The following ANK3 variants were observed in gnomAD, a reference collection of about 807,000 sequenced individuals.
ANK3 encodes the protein ankyrin 3.
ANK3 carries 57 observed loss-of-function variants against 370.9 expected under a neutral mutation model. The ratio of observed to expected loss-of-function variants is 0.15; its 90% CI spans 0.12 to 0.19. The LOEUF (loss-of-function observed/expected upper bound fraction) is 0.19. Ranked by LOEUF, ANK3 falls within the 10% of genes least tolerant of loss-of-function variation. The pLI, the probability that ANK3 is intolerant of heterozygous loss-of-function variation, is 1.00. For missense variants in ANK3, 4,439 were observed against 5,302.1 expected (o/e 0.84, Z 5.06); for synonymous variants, 1,929 against 1,946.3 (o/e 0.99, Z 0.23).
intron 2 of ANK3, among the ~76,000 whole-genome samples, chr10:60,495,489 C>T (rs1473567709): frequency 6.6e-6 from 1 of 152,120 alleles, no homozygotes; most frequent in Non-Finnish European, 1.5e-5. Flanking sequence ...CTTGAGTTCT[C>T]ATTGAAATAA....
chr10:60,241,731 T>C (rs544227650), intron 7 of ANK3, among the ~76,000 whole-genome samples: 84 of 152,332 alleles, frequency 5.5e-4, no homozygotes, highest in African/African-American at 1.9e-3. Context: ...AGTATACATA[T>C]GATTAACCAA....
At chr10:60,104,349 C>G (rs2091821731) in intron 28 of ANK3, among the ~76,000 whole-genome samples, 1 of 82,142 alleles carries the variant, frequency 1.2e-5, no homozygotes, top group African/African-American at 4.9e-5. Context: ...CAGAGTGAGA[C>G]TCCATCTCAA....
intron 2 of ANK3, among the ~76,000 whole-genome samples, chr10:60,457,463 A>G (rs971076515): frequency 5.9e-5 from 9 of 152,154 alleles, no homozygotes; most frequent in African/African-American, 2.2e-4. Flanking sequence ...TTTATAGAAT[A>G]GATTGCTAAT....
At chr10:60,031,428 T>C (rs1181648745) in intron 43 of ANK3, among the ~76,000 whole-genome samples, 1 of 152,242 alleles carries the variant, frequency 6.6e-6, no homozygotes, top group Non-Finnish European at 1.5e-5. Flanking sequence ...TGTGTGCTAT[T>C]GTGGTATGAA....
At chr10:60,181,190 G>T in intron 18 of ANK3, 139 bp downstream of exon 18, 2 of 847,192 alleles carry the variant, frequency 2.4e-6, no homozygotes, top group Non-Finnish European at 1.9e-6. Flanking sequence ...AGTGTCCCTT[G>T]CATAAATAAA....
At position 60,389,789 on chromosome 10, in the gene ANK3, A is replaced by C; in HGVS notation, c.-251T>G. ...TTTACAGGAGAGTGCAGCCATCGTAATGCATTTACCGTAGTGAAGAAGACA... is the reference window on the plus strand; with the variant it reads ...TTTACAGGAGAGTGCAGCCATCGTACTGCATTTACCGTAGTGAAGAAGACA... On this transcript the variant is annotated 5_prime_UTR_variant, in exon 1 of 44. Coordinates refer to ENST00000280772, the MANE Select transcript of ANK3 (RefSeq NM_020987.5). 7.7e-7 allele frequency: 1 copy of C among 1,305,568 alleles called. No homozygotes were observed. Among genetic ancestry groups the C allele is most frequent in the Non-Finnish European group, 9.8e-7 (1 of 1,025,496 alleles). The allele number at this position is 1,305,568 out of a possible 1,614,324, so 80.9% of individuals were successfully genotyped here. A position where few individuals can be genotyped will look rare whatever the true frequency, so the allele number is the denominator to read the frequency against.
upstream of ANK3, among the ~76,000 whole-genome samples, chr10:60,390,329 C>T (rs2062987032): frequency 6.6e-6 from 1 of 152,078 alleles, no homozygotes; most frequent in Non-Finnish European, 1.5e-5. Context: ...AAGACGTGAG[C>T]ATATTGGTGT....
At chr10:60,029,980 G>A (rs990107848) in intron 43 of ANK3, among the ~76,000 whole-genome samples, 154 bp from the exon 44 acceptor site, 1 of 145,474 alleles carries the variant, frequency 6.9e-6, no homozygotes, top group Non-Finnish European at 1.5e-5. Context: ...ATTCCCTATG[G>A]GGTGGTTTAA....
intron 2 of ANK3, among the ~76,000 whole-genome samples, chr10:60,481,394 T>G (rs2075211486): frequency 6.6e-6 from 1 of 152,174 alleles, no homozygotes; most frequent in African/African-American, 2.4e-5. Context: ...CCTTACATTC[T>G]GCTGCCTGGC....
At chr10:60,251,939 A>T (rs1164467136) in intron 7 of ANK3, among the ~76,000 whole-genome samples, 1 of 152,220 alleles carries the variant, frequency 6.6e-6, no homozygotes, top group Non-Finnish European at 1.5e-5. Context: ...TCACACCTGC[A>T]TCTGGGCTTC....
chr10:60,688,292 C>T (rs1459255904), intron 1 of ANK3, among the ~76,000 whole-genome samples: 1 of 152,162 alleles, frequency 6.6e-6, no homozygotes, highest in African/African-American at 2.4e-5. Context: ...TCTTGAACTC[C>T]TGGCCTCAAG....
At chr10:60,482,531 A>G (rs1399663903) in intron 2 of ANK3, among the ~76,000 whole-genome samples, 1 of 152,140 alleles carries the variant, frequency 6.6e-6, no homozygotes, top group African/African-American at 2.4e-5. Flanking sequence ...TCTGTCACCC[A>G]GGCTGGAGTG....
chr10:60,270,051 AG>A, intron 5 of ANK3, 79 bp downstream of exon 5: 1 of 823,132 alleles, frequency 1.2e-6, no homozygotes, highest in Admixed American at 2.8e-5. Context: ...AAATACTAGT[AG>A]GACAAATTCA....
At chr10:60,047,529 T>A (rs1482539056) in intron 42 of ANK3, among the ~76,000 whole-genome samples, 3 of 152,226 alleles carry the variant, frequency 2.0e-5, no homozygotes, top group Non-Finnish European at 4.4e-5. Context: ...TATTTGTATA[T>A]GTATGTAAAA....
chr10:60,064,236 C>T lies in ANK3; in HGVS notation c.12372G>A (p.Val4124=). 3 of 1,579,152 alleles carry T rather than the reference C, an allele frequency of 1.9e-6. No individual in the cohort carries two copies. The highest frequency in any genetic ancestry group is 1.2e-5 in the South Asian group (1 of 83,440). ...FSVDEINQIR[V]ENPNSLISQS... ...GAGAAATTAAAGAATTTGGATTTTC[C>T]ACACGTATTTGATTGATTTCATCCA... Residue 4124 remains valine, a synonymous_variant, in exon 39 of 44, where the codon GTG becomes GTA. Transcript: ENST00000280772.
At chr10:60,213,388 T>A in intron 9 of ANK3, 24 bp downstream of exon 9, 1 of 1,553,162 alleles carries the variant, frequency 6.4e-7, no homozygotes, top group Non-Finnish European at 8.9e-7. Context: ...CAGTCCAATG[T>A]CCAGAAACCT....
intron 2 of ANK3, among the ~76,000 whole-genome samples, chr10:60,547,562 G>A (rs987002435): frequency 4.0e-5 from 6 of 151,848 alleles, no homozygotes; most frequent in Non-Finnish European, 2.9e-5. Flanking sequence ...ACCACGCCCT[G>A]CTAATTTTTG....
intron 2 of ANK3, among the ~76,000 whole-genome samples, chr10:60,425,139 G>A (rs2063856184): frequency 6.6e-6 from 1 of 151,992 alleles, no homozygotes; most frequent in Admixed American, 6.6e-5. Context: ...TGGAGAGCTG[G>A]GTGGGGCACG....
Position 60,076,142 on chromosome 10 carries a change from G to T in ANK3, c.4739C>A (p.Pro1580Gln). Residue 1580 changes from proline to glutamine, a missense_variant, in exon 37 of 44, where the codon CCG becomes CAG. Coordinates refer to ENST00000280772, the MANE Select transcript of ANK3 (RefSeq NM_020987.5). The part of the protein sequence containing the change: ...PIRSFRTMSS[P>Q]IKTVVSQSPY... ...AGATTGTGACACCACAGTTTTTATC[G>T]GCGAAGACATTGTCCGAAAGGATCT... 4 of 1,614,170 alleles carry T rather than the reference G, an allele frequency of 2.5e-6. No homozygotes were observed. The highest frequency in any genetic ancestry group is 1.1e-5 in the South Asian group (1 of 91,088).
Sources: gnomAD v4.1 joint callset for allele counts (sites outside exome capture counted in the v4.1 genomes callset) on GRCh38, gnomAD v4.1.1 for gene constraint, MANE v1.5 for transcripts, NCBI Gene and HGNC (gene_info 2026-07-23, HGNC 2026-07-21) for gene names.